The following TSPAN11 variants were observed in gnomAD, a reference collection of about 807,000 sequenced individuals.
TSPAN11 encodes tetraspanin-11.
Under a neutral mutation model 32.9 loss-of-function variants are expected in TSPAN11, and 29 were observed. The observed-to-expected ratio is 0.88, with a 90% CI of 0.66 to 1.20. The LOEUF (loss-of-function observed/expected upper bound fraction) is 1.20, where lower values mean the gene tolerates loss of function less well. Among genes scored for constraint, TSPAN11 ranks in the 50% most tolerant of loss-of-function variants. TSPAN11 has a pLI of 0.00. For synonymous variants in TSPAN11, 140 were observed against 141.3 expected (o/e 0.99, Z 0.07); for missense variants, 283 against 329.1 (o/e 0.86, Z 1.08).
chr12:30,949,275 A>G (rs1440738712), intron 1 of TSPAN11, among the ~76,000 whole-genome samples: 2 of 152,184 alleles, frequency 1.3e-5, no homozygotes, highest in Non-Finnish European at 1.5e-5. Context: ...ATTTTCTGGT[A>G]TCTTTTCAGC....
At chr12:31,007,470 C>T in the TSPAN11 span, among the ~76,000 whole-genome samples, 1 of 152,060 alleles carries the variant, frequency 6.6e-6, no homozygotes, top group Admixed American at 6.5e-5. Context: ...CTACCTGCCC[C>T]AGCCCCCATC....
intron 1 of TSPAN11, among the ~76,000 whole-genome samples, chr12:30,944,176 C>G (rs1938221526): frequency 6.6e-6 from 1 of 152,062 alleles, no homozygotes; most frequent in Non-Finnish European, 1.5e-5. Flanking sequence ...AGCATATATA[C>G]ATTGTGGAAT....
chr12:30,930,717 TGAA>T, intron 1 of TSPAN11, among the ~76,000 whole-genome samples: 1 of 152,288 alleles, frequency 6.6e-6, no homozygotes, highest in East Asian at 1.9e-4. Context: ...GGAGGGGGCT[TGAA>T]GAGTGGTGAC....
chr12:31,011,839 G>A, the TSPAN11 span, among the ~76,000 whole-genome samples: 1 of 152,246 alleles, frequency 6.6e-6, no homozygotes, highest in African/African-American at 2.4e-5. Context: ...AAGGAAGAAA[G>A]TGCTAGAGAA....
intron 3 of TSPAN11, among the ~76,000 whole-genome samples, chr12:30,969,764 C>T (rs769695605): frequency 2.0e-5 from 3 of 152,120 alleles, no homozygotes; most frequent in Non-Finnish European, 2.9e-5. Flanking sequence ...GCATTTCCAG[C>T]ACATTCCTGG....
the TSPAN11 span, chr12:31,015,625 C>T: frequency 6.6e-6 from 1 of 152,258 alleles, no homozygotes; most frequent in South Asian, 2.1e-4. This position sits in a 1 kb window ranked among gnomAD's most constrained non-coding sequence, Gnocchi z 4.9. Flanking sequence ...CCGGGACACG[C>T]AGGAGCCTCA....
chr12:30,965,055 C>T (rs1279605949), intron 3 of TSPAN11, among the ~76,000 whole-genome samples: 1 of 152,202 alleles, frequency 6.6e-6, no homozygotes, highest in African/African-American at 2.4e-5. Context: ...AGCCACGTAG[C>T]ACATCCCAGG....
chr12:30,979,574 T>C lies in TSPAN11; in HGVS notation c.360T>C (p.Asp120=), dbSNP rs1314273510. The change falls in exon 5 of 8, where the codon GAT becomes GAC. Residue 120 remains aspartate, a synonymous_variant. Coordinates refer to ENST00000546076, the MANE Select transcript of TSPAN11 (RefSeq NM_001370302.1). ...GCTCCTACCCTCCTCAGCTGAGTGA[T>C]GAACTGAAGCAGCACTTGAACCGGA... ...LAHVYYQRLS[D]ELKQHLNRTL... 1.2e-6 allele frequency: 2 copies of C among 1,614,040 alleles called. No homozygotes were observed. Among genetic ancestry groups the C allele is most frequent in the Non-Finnish European group, 1.7e-6 (2 of 1,180,038 alleles).
chr12:31,013,320 G>C, the TSPAN11 span, among the ~76,000 whole-genome samples: 1 of 152,146 alleles, frequency 6.6e-6, no homozygotes, highest in African/African-American at 2.4e-5. Flanking sequence ...CAGGTAGGGA[G>C]CAGTGGCTCA....
rs922625007 is a variant in TSPAN11, at chr12:30,956,927, A to G, written c.84+2852A>G. ...CTCCAGAAGCTGTGTCCTGCCCTTGAGCATTAGCTGAGGCCTTGGTATTTC... is the reference window on the plus strand; with the variant it reads ...CTCCAGAAGCTGTGTCCTGCCCTTGGGCATTAGCTGAGGCCTTGGTATTTC... On this transcript the variant is annotated intron_variant, in intron 2 of 7. Transcript: ENST00000546076. Among the ~76,000 whole-genome samples the G allele has an allele frequency of 5.9e-5, 9 of 152,230 alleles. No homozygotes were observed. The South Asian group carries it at 1.7e-3, about 28-fold the overall frequency.
chr12:30,983,144 C>T lies in TSPAN11; in HGVS notation c.696C>T (p.Cys232=), dbSNP rs1222833555. Residue 232 remains cysteine (C), a synonymous_variant, in exon 7 of 8, where the codon TGC becomes TGT. Transcript: ENST00000546076. ...LMGAVGIGVA[C]LQICGMVLTC... is the part of the protein sequence containing the mutation. ...GGGCAGTGGGCATCGGGGTGGCCTG[C>T]CTGCAGGTGAGTTGCAGTGCGGGGA... 6 of 1,611,666 alleles carry T rather than the reference C, an allele frequency of 3.7e-6. No individual in the cohort carries two copies. In the African/African-American group the frequency reaches 4.0e-5, roughly 11 times the overall value.
intron 2 of TSPAN11, among the ~76,000 whole-genome samples, chr12:30,957,370 T>TA (rs2140287082): frequency 6.6e-6 from 1 of 152,144 alleles, no homozygotes; most frequent in South Asian, 2.1e-4. Flanking sequence ...AAGCCTGGGA[T>TA]AACCCCTTCT....
intron 2 of TSPAN11, among the ~76,000 whole-genome samples, chr12:30,956,089 C>T (rs1169843827): frequency 6.6e-6 from 1 of 152,120 alleles, no homozygotes; most frequent in Non-Finnish European, 1.5e-5. Context: ...TAAATATTTG[C>T]AGAGAGTGAA....
At chr12:30,930,532 C>T (rs571359737) in intron 1 of TSPAN11, among the ~76,000 whole-genome samples, 2 of 152,158 alleles carry the variant, frequency 1.3e-5, no homozygotes, top group East Asian at 1.9e-4. Flanking sequence ...TGTGACCTTC[C>T]GTGTGTTATG....
chr12:30,945,977 T>G (rs1240676047), intron 1 of TSPAN11, among the ~76,000 whole-genome samples: 1 of 152,252 alleles, frequency 6.6e-6, no homozygotes, highest in Non-Finnish European at 1.5e-5. Flanking sequence ...CAACAGGAAC[T>G]GTGTCCTAAG....
chr12:30,972,425 G>A lies in TSPAN11; in HGVS notation c.277-6136G>A, dbSNP rs546612144. On this transcript the variant is annotated intron_variant, in intron 3 of 7. Coordinates refer to ENST00000546076, the MANE Select transcript of TSPAN11 (RefSeq NM_001370302.1). ...CATGGCTCAGAAACTTCTGGCTCAG[G>A]GAGGGCTTCATGGAGGCTGTGCCTG... Among the ~76,000 whole-genome samples, 63 of 152,326 alleles carry A rather than the reference G, an allele frequency of 4.1e-4. 1 individual carries two copies. The highest frequency in any genetic ancestry group is 6.8e-3 in the Middle Eastern group (2 of 294).
chr12:31,004,657 G>T, the TSPAN11 span, among the ~76,000 whole-genome samples: 3 of 152,184 alleles, frequency 2.0e-5, no homozygotes, highest in South Asian at 2.1e-4. Context: ...AGAGAAATTT[G>T]AGAGTTTCTA....
chr12:30,938,295 T>G (rs780531706), intron 1 of TSPAN11, among the ~76,000 whole-genome samples: 1 of 152,174 alleles, frequency 6.6e-6, no homozygotes, highest in South Asian at 2.1e-4. Flanking sequence ...CAAATGTCTG[T>G]CCACCCTCAA....
chr12:31,001,377 C>T (rs1466853100), downstream of TSPAN11, among the ~76,000 whole-genome samples: 2 of 152,124 alleles, frequency 1.3e-5, no homozygotes, highest in Non-Finnish European at 2.9e-5. Context: ...GCCTCCTTCT[C>T]CCCAGGTTGG....
Sources: gnomAD v4.1 joint callset for allele counts (sites outside exome capture counted in the v4.1 genomes callset) on GRCh38, gnomAD v4.1.1 for gene constraint, Gnocchi (gnomAD v3.1) non-coding constraint, MANE v1.5 for transcripts, NCBI Gene and HGNC (gene_info 2026-07-23, HGNC 2026-07-21) for gene names.